The following PCDHA10 variants were observed in gnomAD, a reference collection of about 807,000 sequenced individuals.
PCDHA10 encodes the protein protocadherin alpha 10, also known as protocadherin alpha-10.
In PCDHA10, 45 loss-of-function variants were observed where a neutral mutation model predicts 61.2. The ratio of observed to expected loss-of-function variants is 0.74; its 90% CI spans 0.58 to 0.94. PCDHA10 has a LOEUF of 0.94. Among genes scored for constraint, PCDHA10 ranks in the 40% least tolerant of loss-of-function variants. PCDHA10 has a pLI of 0.00. For missense variants in PCDHA10, 1,278 were observed against 1,236.2 expected, an observed-to-expected ratio of 1.03 and a Z score of -0.51; for synonymous variants, 602 against 548.8, an observed-to-expected ratio of 1.10 and a Z score of -1.35.
chr5:140,967,793 G>A (rs1447753881), intron 1 of PCDHA10: 24 of 1,614,080 alleles, frequency 1.5e-5, no homozygotes, highest in Non-Finnish European at 1.9e-5. Flanking sequence ...CCGGGGTCCA[G>A]TGCCCATGGC....
intron 1 of PCDHA10, among the ~76,000 whole-genome samples, chr5:140,943,562 T>G (rs246066): frequency 0.58 from 88,255 of 152,018 alleles, 26,572 homozygotes; most frequent in African/African-American, 0.75. Flanking sequence ...ACAATAATCA[T>G]TTTAATTTGT....
intron 1 of PCDHA10, 99 bp from the exon 2 acceptor site, chr5:140,978,850 G>T: frequency 6.3e-7 from 1 of 1,577,084 alleles, no homozygotes; most frequent in Non-Finnish European, 8.6e-7. Flanking sequence ...TTTTTTAGAT[G>T]CCTGGAAATA....
rs2098421039 is a variant in PCDHA10, at chr5:141,011,549, G to GA, written c.*1615dup. 1 of 153,674 alleles carries GA rather than the reference G, an allele frequency of 6.5e-6. No individual in the cohort carries two copies. The highest frequency in any genetic ancestry group is 1.5e-5 in the Non-Finnish European group (1 of 68,008). The allele number at this position is 153,674 out of a possible 1,614,324, so 9.5% of individuals were successfully genotyped here. A position where few individuals can be genotyped will look rare whatever the true frequency, so the allele number is the denominator to read the frequency against. Reference sequence around the variant, plus strand: ...CCATTGTTAATCAGCTTTTGTGTATGAAAGACACAGTAAAATTTCTTTCTT... The same window carrying GA: ...CCATTGTTAATCAGCTTTTGTGTATGAAAAGACACAGTAAAATTTCTTTCTT... On this transcript the variant is annotated 3_prime_UTR_variant, in exon 4 of 4. Coordinates refer to ENST00000307360, the MANE Select transcript of PCDHA10 (RefSeq NM_018901.4).
chr5:140,896,283 T>TG (rs1440417603), intron 1 of PCDHA10, among the ~76,000 whole-genome samples: 4 of 152,258 alleles, frequency 2.6e-5, no homozygotes, highest in Admixed American at 6.5e-5. Context: ...CTGGCTTGAA[T>TG]GGTAAGTTCT....
intron 1 of PCDHA10, chr5:140,876,681 T>C: frequency 2.5e-6 from 4 of 1,614,180 alleles, no homozygotes; most frequent in South Asian, 1.1e-5. Flanking sequence ...CCTACAAGAA[T>C]TACTACTCGT....
At position 140,868,760 on chromosome 5, in the gene PCDHA10, T is replaced by A. The variant is rs554040026; in HGVS notation, c.2388+10324T>A. On this transcript the variant is annotated intron_variant, in intron 1 of 3. Transcript: ENST00000307360. ...AATACAATGCCATTTCCATATATATTTAGTTTCAATATGACTTATAATCTG... is the reference window on the plus strand; with the variant it reads ...AATACAATGCCATTTCCATATATATATAGTTTCAATATGACTTATAATCTG... The A allele has an allele frequency of 3.0e-3, 699 of 232,214 alleles. 6 individuals carry two copies. The highest frequency in any genetic ancestry group is 0.014 in the African/African-American group (640 of 44,274). The allele number at this position is 232,214 out of a possible 1,614,324, so 14.4% of individuals were successfully genotyped here.
At chr5:140,954,919 C>A (rs246021) in intron 1 of PCDHA10, among the ~76,000 whole-genome samples, 85,722 of 151,952 alleles carry the variant, frequency 0.56, 24,790 homozygotes, top group African/African-American at 0.69. Flanking sequence ...TTATGAATTA[C>A]GTCTTTAATT....
chr5:140,858,622 G>T, intron 1 of PCDHA10, 186 bp downstream of exon 1: 1 of 1,136,482 alleles, frequency 8.8e-7, no homozygotes, highest in Non-Finnish European at 1.2e-6. Flanking sequence ...ATCCTACCCA[G>T]TGTGTCAGCC....
chr5:140,937,921 A>G (rs1304092674), intron 1 of PCDHA10, among the ~76,000 whole-genome samples: 2 of 152,184 alleles, frequency 1.3e-5, no homozygotes, highest in Non-Finnish European at 2.9e-5. Flanking sequence ...CAAAAAAAAA[A>G]AAAAAAGTTT....
intron 1 of PCDHA10, chr5:140,860,619 CAT>C: frequency 6.6e-6 from 1 of 152,266 alleles, no homozygotes; most frequent in African/African-American, 2.4e-5. Context: ...GAAACATAAA[CAT>C]ATGCAGGAAT....
intron 1 of PCDHA10, chr5:140,883,186 C>T (rs782501193): frequency 1.4e-5 from 23 of 1,613,822 alleles, no homozygotes; most frequent in African/African-American, 2.7e-5. Context: ...GGACAAAAGG[C>T]AAACTAGATT....
intron 3 of PCDHA10, among the ~76,000 whole-genome samples, 199 bp downstream of exon 3, chr5:140,982,762 TAAC>T (rs1210027762): frequency 6.6e-6 from 1 of 152,130 alleles, no homozygotes; most frequent in Non-Finnish European, 1.5e-5. Context: ...TGAAAAAGGA[TAAC>T]AAGGAAAGTG....
Position 140,857,636 on chromosome 5 carries a change from C to T in PCDHA10, c.1588C>T (p.Leu530=), listed in dbSNP as rs370617893. The T allele has an allele frequency of 1.0e-4, 159 of 1,596,480 alleles. 20 individuals are homozygous for T. The highest frequency in any genetic ancestry group is 1.3e-4 in the Non-Finnish European group (153 of 1,167,700). The part of the protein sequence containing the change: ...QPLDHEELEL[L]QFQVSARDGG... Reference sequence around the variant, plus strand: ...GCTGGACCACGAGGAGCTGGAGCTGCTACAGTTCCAGGTGAGCGCGCGCGA... The same window carrying T: ...GCTGGACCACGAGGAGCTGGAGCTGTTACAGTTCCAGGTGAGCGCGCGCGA... The change falls in exon 1 of 4, where the codon CTA becomes TTA. Residue 530 remains leucine, a synonymous_variant. Transcript: ENST00000307360.
intron 1 of PCDHA10, chr5:140,968,614 A>T: frequency 6.2e-7 from 1 of 1,614,142 alleles, no homozygotes; most frequent in Non-Finnish European, 8.5e-7. Context: ...ACTCTGGGCA[A>T]AATGCTTGGC....
intron 1 of PCDHA10, chr5:140,883,838 GA>G: frequency 6.2e-7 from 1 of 1,612,738 alleles, no homozygotes; most frequent in Non-Finnish European, 8.5e-7. Context: ...GCAGCCGTTG[GA>G]CCACGAGGAG....
chr5:140,941,286 CTCTT>C (rs5871754), intron 1 of PCDHA10, among the ~76,000 whole-genome samples: 36,780 of 106,460 alleles, frequency 0.35, 6,423 homozygotes, highest in East Asian at 0.56. Flanking sequence ...TCCTTCCTTT[CTCTT>C]TCTTTCTTTC....
intron 1 of PCDHA10, chr5:140,869,867 C>T (rs1554163562): frequency 6.2e-7 from 1 of 1,609,988 alleles, no homozygotes; most frequent in East Asian, 2.2e-5. Flanking sequence ...ATGGAAAATG[C>T]TGCTAAAGAA....
chr5:141,008,300 C>G (rs1272725012), intron 3 of PCDHA10, among the ~76,000 whole-genome samples: 3 of 152,162 alleles, frequency 2.0e-5, no homozygotes, highest in African/African-American at 7.2e-5. Context: ...GTACCCAACC[C>G]TAAACTGTAA....
At chr5:140,961,743 A>G (rs1585893660) in intron 1 of PCDHA10, among the ~76,000 whole-genome samples, 1 of 152,170 alleles carries the variant, frequency 6.6e-6, no homozygotes, top group East Asian at 1.9e-4. Flanking sequence ...CTTTAGTAAT[A>G]TTACAGTTTT....
Sources: gnomAD v4.1 joint callset for allele counts (sites outside exome capture counted in the v4.1 genomes callset) on GRCh38, gnomAD v4.1.1 for gene constraint, MANE v1.5 for transcripts, NCBI Gene and HGNC (gene_info 2026-07-23, HGNC 2026-07-21) for gene names.